NSD3: variants seen among roughly 807,000 people sequenced by gnomAD.
NSD3 encodes nuclear receptor binding SET domain protein 3, also known as histone-lysine N-methyltransferase NSD3.
In NSD3, 24 loss-of-function variants were observed where a neutral mutation model predicts 160.8. The ratio of observed to expected loss-of-function variants is 0.15; its 90% CI spans 0.11 to 0.21. The LOEUF is 0.21. NSD3 is among the 10% of genes least tolerant of loss of function. The pLI is 1.00. For synonymous variants in NSD3, 520 were observed against 600.0 expected, an observed-to-expected ratio of 0.87 and a Z score of 1.95; for missense variants, 1,157 against 1,735.9, an observed-to-expected ratio of 0.67 and a Z score of 5.93.
rs940771815 is a variant in NSD3 at position 38,270,897 on chromosome 8, T to C, written c.*4744A>G. The C allele has an allele frequency of 6.6e-6, 1 of 152,252 alleles. No individual in the cohort carries two copies. Among genetic ancestry groups the C allele is most frequent in the African/African-American group, 2.4e-5 (1 of 41,476 alleles). 9.4% of individuals were successfully genotyped at this position (152,252 alleles called of 1,614,324 possible). The stretch of plus-strand genomic sequence containing the variant: ...CACAAGCACCCAAACTTGTCACTTA[T>C]GCAATGGACTGACCAAAACAAAACA... On this transcript the variant is annotated 3_prime_UTR_variant, in exon 24 of 24. Coordinates refer to ENST00000317025, the MANE Select transcript of NSD3 (RefSeq NM_023034.2).
At chr8:38,342,878 C>T (rs185548859) in intron 2 of NSD3, among the ~76,000 whole-genome samples, 10 of 150,712 alleles carry the variant, frequency 6.6e-5, no homozygotes, top group Admixed American at 2.6e-4. Flanking sequence ...TTTATTAAAA[C>T]CCAAGACATT....
rs1226748975 is a variant in NSD3 at position 38,361,593 on chromosome 8, A to C, written c.-44-13378T>G. ...ACACGGTGAAACCCCGTCTCTACTA[A>C]AAATACAAAAAGTTAGCCAGGCGTG... On this transcript the variant is annotated intron_variant, in intron 1 of 23. Transcript: ENST00000317025. 1.6e-4 allele frequency among the ~76,000 whole-genome samples: 24 copies of C among 151,572 alleles called. 1 individual carries two copies. Among genetic ancestry groups the C allele is most frequent in the Admixed American group, 1.6e-3 (24 of 15,236 alleles).
intron 1 of NSD3, among the ~76,000 whole-genome samples, chr8:38,375,105 C>G (rs762710171): frequency 6.6e-6 from 1 of 152,174 alleles, no homozygotes; most frequent in South Asian, 2.1e-4. Flanking sequence ...CTACCAAACA[C>G]CTCAGAAGAT....
At chr8:38,280,375 C>T (rs1265870000) in intron 20 of NSD3, among the ~76,000 whole-genome samples, 1 of 152,084 alleles carries the variant, frequency 6.6e-6, no homozygotes, top group African/African-American at 2.4e-5. Flanking sequence ...TCCCAGCAAT[C>T]ATAAAGAACG....
At chr8:38,279,275 C>A (rs146086525) in intron 21 of NSD3, among the ~76,000 whole-genome samples, 1 of 152,344 alleles carries the variant, frequency 6.6e-6, no homozygotes, top group African/African-American at 2.4e-5. Flanking sequence ...AGCAGGACTG[C>A]GGACACAGAA....
At chr8:38,295,110 C>T (rs1363407826) in intron 16 of NSD3, among the ~76,000 whole-genome samples, 3 of 143,140 alleles carry the variant, frequency 2.1e-5, no homozygotes, top group African/African-American at 2.6e-5. Flanking sequence ...CGCAACTGCA[C>T]TCCAGCCTGG....
chr8:38,290,153 C>T lies in NSD3; in HGVS notation c.3118+322G>A, dbSNP rs561854755. Among the ~76,000 whole-genome samples, 13 of 151,638 alleles carry T rather than the reference C, an allele frequency of 8.6e-5. No individual in the cohort carries two copies. In the East Asian group the frequency reaches 2.5e-3, roughly 29 times the overall value. Reference sequence around the variant, plus strand: ...ATCACTTGAGCCCTGGAGTTCAAGGCTGCAGTGAGCTGTGATCATGCCACT... The same window carrying T: ...ATCACTTGAGCCCTGGAGTTCAAGGTTGCAGTGAGCTGTGATCATGCCACT... On this transcript the variant is annotated intron_variant, in intron 17 of 23. Transcript: ENST00000317025.
chr8:38,297,919 G>C (rs1365445624), intron 15 of NSD3, among the ~76,000 whole-genome samples: 3 of 152,046 alleles, frequency 2.0e-5, no homozygotes. Flanking sequence ...GAAAAGTCAG[G>C]CTGGCCATTT....
At position 38,270,085 on chromosome 8, in the gene NSD3, T is replaced by C. The variant is rs944927480; in HGVS notation, c.*5556A>G. On this transcript the variant is annotated 3_prime_UTR_variant, in exon 24 of 24. Transcript: ENST00000317025. ...AAGTCTATGTGGCAACATCAAGTCA[T>C]TATACAGTAATGCCCTAGTGGAACA... 2.6e-5 allele frequency: 4 copies of C among 152,182 alleles called. No homozygotes were observed. The highest frequency in any genetic ancestry group is 4.4e-5 in the Non-Finnish European group (3 of 68,028). The allele number at this position is 152,182 out of a possible 1,614,324, so 9.4% of individuals were successfully genotyped here.
At chr8:38,334,651 T>C (rs1328815883) in intron 4 of NSD3, among the ~76,000 whole-genome samples, 1 of 151,352 alleles carries the variant, frequency 6.6e-6, no homozygotes, top group Non-Finnish European at 1.5e-5. Context: ...TCTCAGCTAC[T>C]TGGGAGGCTG....
At position 38,288,765 on chromosome 8, in the gene NSD3, C is replaced by T; in HGVS notation, c.3232-9G>A. 1 of 1,609,180 alleles carries T rather than the reference C, an allele frequency of 6.2e-7. No individual in the cohort carries two copies. The highest frequency in any genetic ancestry group is 1.1e-5 in the South Asian group (1 of 90,958). On this transcript the variant is annotated splice_polypyrimidine_tract_variant and intron_variant, in intron 18 of 23. Transcript: ENST00000317025. This position sits in a 1 kb window ranked among gnomAD's most constrained non-coding sequence, Gnocchi z 4.5. ...CCTATTACTTTGTTAGCCTAGAAAA[C>T]AAAATCGCAAGCGAGAGAGAGGCAG...
chr8:38,329,854 C>T lies in NSD3; in HGVS notation c.1105G>A (p.Asp369Asn). 1 of 1,608,182 alleles carries T rather than the reference C, an allele frequency of 6.2e-7. No homozygotes were observed. The highest frequency in any genetic ancestry group is 8.5e-7 in the Non-Finnish European group (1 of 1,177,432). Residue 369 changes from aspartate to asparagine, a missense_variant, in exon 6 of 24, where the codon GAT (aspartate) becomes AAT (asparagine). Around this residue, in one of 10 missense-constraint regions of NSD3, gnomAD observed 168 missense variants for 208.1 expected, o/e 0.81. Coordinates refer to ENST00000317025, the MANE Select transcript of NSD3 (RefSeq NM_023034.2). The surrounding 1 kb of genome is among the most constrained non-coding windows in gnomAD (Gnocchi z 4.8). Reference protein sequence around the residue: ...PRPQRERAQWDIGIAHAEKAL... With the variant: ...PRPQRERAQWNIGIAHAEKAL... ...TTCTCTGCATGGGCAATGCCAATAT[C>T]CCACTGAGCACGTTCTCTCTGAGGT...
In NSD3 at chr8:38,273,080, AG is replaced by A; in HGVS notation, c.*2560del. 6.6e-6 allele frequency: 1 copy of A among 152,134 alleles called. No individual in the cohort carries two copies. Among genetic ancestry groups the A allele is most frequent in the Non-Finnish European group, 1.5e-5 (1 of 68,122 alleles). 9.4% of individuals were successfully genotyped at this position (152,134 alleles called of 1,614,324 possible). ...AGTCTCGCTCTGTCACCCAGGCTGG[AG>A]TGCAGTGATGTGATCTTGGCTCACT... On this transcript the variant is annotated 3_prime_UTR_variant, in exon 24 of 24. Coordinates refer to ENST00000317025, the MANE Select transcript of NSD3 (RefSeq NM_023034.2).
chr8:38,293,783 C>T (rs936175132), intron 16 of NSD3, among the ~76,000 whole-genome samples: 1 of 151,352 alleles, frequency 6.6e-6, no homozygotes, highest in African/African-American at 2.4e-5. Flanking sequence ...ATTAGCCAGG[C>T]GTGGTGTCAG....
intron 10 of NSD3, 123 bp downstream of exon 10, chr8:38,315,789 A>C: frequency 7.1e-7 from 1 of 1,415,448 alleles, no homozygotes; most frequent in Non-Finnish European, 9.5e-7. Flanking sequence ...TAAGACACTC[A>C]AAATAAACAA....
At chr8:38,374,964 C>A (rs1051230398) in intron 1 of NSD3, among the ~76,000 whole-genome samples, 1 of 151,396 alleles carries the variant, frequency 6.6e-6, no homozygotes, top group African/African-American at 2.4e-5. Context: ...AGATCGCGCC[C>A]CTGCACTCCA....
At position 38,357,435 on chromosome 8, in the gene NSD3, C is replaced by G. The variant is rs1810852535; in HGVS notation, c.-44-9220G>C. 2.0e-5 allele frequency among the ~76,000 whole-genome samples: 3 copies of G among 152,180 alleles called. No individual in the cohort carries two copies. In the South Asian group the frequency reaches 6.2e-4, roughly 32 times the overall value. On this transcript the variant is annotated intron_variant, in intron 1 of 23. Transcript: ENST00000317025. ...TTTTTGTACTCTAGTAATATAAAAT[C>G]ACTGGAAATTTCTCTGCACACCATG...
chr8:38,289,157 A>C (rs972470465), intron 18 of NSD3, among the ~76,000 whole-genome samples: 1 of 152,220 alleles, frequency 6.6e-6, no homozygotes, highest in African/African-American at 2.4e-5. Context: ...AGGACTTATC[A>C]AAGACCTAAT....
At position 38,316,514 on chromosome 8, in the gene NSD3, AT is replaced by A; in HGVS notation, c.1856-473del. ...ATTCGATTCGTACACGGATAGTGCC[AT>A]TTTCCCCCAAATTTTGCAATTCAGT... On this transcript the variant is annotated intron_variant, in intron 9 of 23. Transcript: ENST00000317025. The surrounding 1 kb of genome is among the most constrained non-coding windows in gnomAD (Gnocchi z 4.5). The A allele has an allele frequency of 1.9e-6, 2 of 1,047,164 alleles. No individual in the cohort carries two copies. The highest frequency in any genetic ancestry group is 1.2e-6 in the Non-Finnish European group (1 of 867,718). 64.9% of individuals were successfully genotyped at this position (1,047,164 alleles called of 1,614,324 possible).
Sources: allele counts gnomAD v4.1 joint callset (sites outside exome capture counted in the v4.1 genomes callset), GRCh38; gene constraint gnomAD v4.1.1; regional missense constraint gnomAD v4.1.1; non-coding constraint Gnocchi (gnomAD v3.1); transcripts MANE v1.5; gene names NCBI Gene and HGNC (gene_info 2026-07-23, HGNC 2026-07-21).